The following PPIA variants were observed in gnomAD, a reference collection of about 807,000 sequenced individuals.
PPIA encodes peptidyl-prolyl cis-trans isomerase A.
PPIA carries 2 observed loss-of-function variants against 15.3 expected under a neutral mutation model. The ratio of observed to expected loss-of-function variants is 0.13; its 90% CI spans 0.05 to 0.41. PPIA has a LOEUF of 0.41. Ranked by LOEUF, PPIA falls within the 10% of genes least tolerant of loss-of-function variation. The probability of loss-of-function intolerance (pLI) is 0.99; values close to 1 mark genes in which losing one functional copy is unlikely to be tolerated. For missense variants in PPIA, 103 were observed against 210.3 expected, an observed-to-expected ratio of 0.49 and a Z score of 3.16; for synonymous variants, 67 against 73.1, an observed-to-expected ratio of 0.92 and a Z score of 0.43.
intron 1 of PPIA, among the ~76,000 whole-genome samples, chr7:44,797,291 G>A (rs1333912157): frequency 6.6e-6 from 1 of 152,206 alleles, no homozygotes; most frequent in East Asian, 1.9e-4. Flanking sequence ...AAGGATCGAG[G>A]CGCGGTGTGA....
At chr7:44,801,224 C>T in intron 4 of PPIA, 63 bp from the exon 5 acceptor site, 2 of 1,549,204 alleles carry the variant, frequency 1.3e-6, no homozygotes, top group East Asian at 2.3e-5. Flanking sequence ...CGTCTTGGTT[C>T]ATGACACATG....
rs553159589 is a variant in PPIA at position 44,796,696 on chromosome 7, C to A, written c.-29C>A. 1 of 1,607,190 alleles carries A rather than the reference C, an allele frequency of 6.2e-7. No homozygotes were observed. The highest frequency in any genetic ancestry group is 1.1e-5 in the South Asian group (1 of 90,914). On this transcript the variant is annotated 5_prime_UTR_variant, in exon 1 of 5. Coordinates refer to ENST00000468812, the MANE Select transcript of PPIA (RefSeq NM_021130.5). The stretch of plus-strand genomic sequence containing the variant: ...GGCTCGTGCCGTTTTGCAGACGCCA[C>A]CGCCGAGGAAAACCGTGTACTATTA...
At position 44,801,525 on chromosome 7, in the gene PPIA, C is replaced by T; in HGVS notation, c.*103C>T. On this transcript the variant is annotated 3_prime_UTR_variant, in exon 5 of 5. Coordinates refer to ENST00000468812, the MANE Select transcript of PPIA (RefSeq NM_021130.5). ...CGCAGTATCCTAGAATCTTTGTGCT[C>T]TCGCTGCAGTTCCCTTTGGGTTCCA... 2.8e-6 allele frequency: 2 copies of T among 714,028 alleles called. No homozygotes were observed. Among genetic ancestry groups the T allele is most frequent in the Non-Finnish European group, 4.6e-6 (2 of 436,480 alleles). The allele number at this position is 714,028 out of a possible 1,614,324, so 44.2% of individuals were successfully genotyped here.
At position 44,796,707 on chromosome 7, in the gene PPIA, A is replaced by G. The variant is rs568065436; in HGVS notation, c.-18A>G. ...TTTTGCAGACGCCACCGCCGAGGAAAACCGTGTACTATTAGCCATGGTCAA... is the reference window on the plus strand; with the variant it reads ...TTTTGCAGACGCCACCGCCGAGGAAGACCGTGTACTATTAGCCATGGTCAA... On this transcript the variant is annotated 5_prime_UTR_variant, in exon 1 of 5. Coordinates refer to ENST00000468812, the MANE Select transcript of PPIA (RefSeq NM_021130.5). 1.4e-5 allele frequency: 22 copies of G among 1,609,750 alleles called. No individual in the cohort carries two copies. The highest frequency in any genetic ancestry group is 2.0e-4 in the Middle Eastern group (1 of 5,050).
chr7:44,799,905 T>C (rs1792494521), intron 4 of PPIA, 31 bp downstream of exon 4: 1 of 1,598,886 alleles, frequency 6.3e-7, no homozygotes, highest in Non-Finnish European at 8.5e-7. Flanking sequence ...ACTAACCACC[T>C]GACTAAATGA....
chr7:44,801,308 G>A lies in PPIA; in HGVS notation c.384G>A (p.Val128=), dbSNP rs745616785. ...CAAGGTTGGATGGCAAGCATGTGGT[G>A]TTTGGCAAAGTGAAAGAAGGCATGA... ...KTEWLDGKHV[V]FGKVKEGMNI... The change falls in exon 5 of 5, where the codon GTG becomes GTA. Residue 128 remains valine, a synonymous_variant. Transcript: ENST00000468812. The A allele has an allele frequency of 3.1e-6, 5 of 1,613,408 alleles. No individual in the cohort carries two copies. In the South Asian group the frequency reaches 5.5e-5, roughly 18 times the overall value.
chr7:44,797,002 C>T (rs1156685705), intron 1 of PPIA, among the ~76,000 whole-genome samples: 2 of 152,088 alleles, frequency 1.3e-5, no homozygotes, highest in Non-Finnish European at 2.9e-5. Flanking sequence ...CAAAGGCAGG[C>T]GGGGCGGCTG....
At chr7:44,799,587 GTTCTATTTAACCC>G in intron 3 of PPIA, 102 bp from the exon 4 acceptor site, 1 of 1,574,130 alleles carries the variant, frequency 6.4e-7, no homozygotes, top group Admixed American at 1.7e-5. Flanking sequence ...TACCATTTCG[GTTCTATTTAACCC>G]TTCTATTCAG....
In PPIA at chr7:44,796,704, G is replaced by C. The variant is rs747888881; in HGVS notation, c.-21G>C. 1.7e-5 allele frequency: 28 copies of C among 1,609,436 alleles called. No individual in the cohort carries two copies. The highest frequency in any genetic ancestry group is 2.4e-5 in the Non-Finnish European group (28 of 1,178,122). Reference sequence around the variant, plus strand: ...CCGTTTTGCAGACGCCACCGCCGAGGAAAACCGTGTACTATTAGCCATGGT... The same window carrying C: ...CCGTTTTGCAGACGCCACCGCCGAGCAAAACCGTGTACTATTAGCCATGGT... On this transcript the variant is annotated 5_prime_UTR_variant, in exon 1 of 5. Transcript: ENST00000468812.
In PPIA at chr7:44,799,332, T is replaced by A; in HGVS notation, c.100+55T>A. The stretch of plus-strand genomic sequence containing the variant: ...TGTTCCAATTGTGACAGTTTGTGTG[T>A]GTGTGTGTATATATATATTTTTATG... On this transcript the variant is annotated intron_variant, in intron 2 of 4. Coordinates refer to ENST00000468812, the MANE Select transcript of PPIA (RefSeq NM_021130.5). The A allele has an allele frequency of 2.5e-6, 4 of 1,604,166 alleles. 1 individual carries two copies. The South Asian group carries it at 4.4e-5, about 18-fold the overall frequency.
At chr7:44,800,621 A>ACT (rs1360706277) in intron 4 of PPIA, 1 of 150,940 alleles carries the variant, frequency 6.6e-6, no homozygotes, top group Non-Finnish European at 1.5e-5. Flanking sequence ...CTGGTCTCGA[A>ACT]CTCCTGGGCT....
chr7:44,800,743 GTTGGGTTTTTTGTTTCT>G (rs1056805039), intron 4 of PPIA, among the ~76,000 whole-genome samples: 3 of 151,978 alleles, frequency 2.0e-5, no homozygotes, highest in South Asian at 4.1e-4. Context: ...CATGCGGTTG[GTTGGGTTTTTTGTTTCT>G]TTGGGGTTTT....
At chr7:44,797,902 G>A (rs1259164159) in intron 1 of PPIA, 1 of 152,186 alleles carries the variant, frequency 6.6e-6, no homozygotes, top group East Asian at 1.9e-4. Context: ...TGAGGACAGA[G>A]CGATTTCCTT....
Position 44,802,420 on chromosome 7 carries a change from A to C in PPIA, c.*998A>C, listed in dbSNP as rs769049572. The C allele has an allele frequency of 3.9e-5, 6 of 152,138 alleles. No individual in the cohort carries two copies. The highest frequency in any genetic ancestry group is 8.8e-5 in the Non-Finnish European group (6 of 68,028). 9.4% of individuals were successfully genotyped at this position (152,138 alleles called of 1,614,324 possible). Reference sequence around the variant, plus strand: ...TGCCTTGGCCTCCCAAACTGCTGAGATTACAGATGTGAGCCACCGCACCCT... The same window carrying C: ...TGCCTTGGCCTCCCAAACTGCTGAGCTTACAGATGTGAGCCACCGCACCCT... On this transcript the variant is annotated 3_prime_UTR_variant, in exon 5 of 5. Transcript: ENST00000468812.
intron 4 of PPIA, 141 bp from the exon 5 acceptor site, chr7:44,801,146 A>T: frequency 9.6e-7 from 1 of 1,037,936 alleles, no homozygotes; most frequent in South Asian, 1.5e-5. Context: ...TGGTAATTGG[A>T]GAATCATGTT....
At chr7:44,800,880 C>T (rs946977962) in intron 4 of PPIA, among the ~76,000 whole-genome samples, 3 of 152,022 alleles carry the variant, frequency 2.0e-5, no homozygotes, top group Non-Finnish European at 2.9e-5. Context: ...TGCAGTGGCG[C>T]GATCTCGGCT....
chr7:44,800,863 G>A (rs1303316063), intron 4 of PPIA, among the ~76,000 whole-genome samples: 2 of 152,064 alleles, frequency 1.3e-5, no homozygotes, highest in Admixed American at 6.6e-5. Context: ...TGTCGCCCAG[G>A]CTGGAGTGCA....
At chr7:44,797,069 C>T (rs1476478810) in intron 1 of PPIA, among the ~76,000 whole-genome samples, 3 of 152,210 alleles carry the variant, frequency 2.0e-5, no homozygotes, top group Non-Finnish European at 4.4e-5. Context: ...TGGCCGCGCC[C>T]TGTCCTGTCC....
At chr7:44,799,219 GTTAA>G (rs1562770907) in intron 1 of PPIA, 24 bp from the exon 2 acceptor site, 6 of 1,611,088 alleles carry the variant, frequency 3.7e-6, no homozygotes, top group Non-Finnish European at 5.1e-6. Flanking sequence ...ATAAGCAGAT[GTTAA>G]TTAACTGTAA....
Sources: allele counts gnomAD v4.1 joint callset (sites outside exome capture counted in the v4.1 genomes callset), GRCh38; gene constraint gnomAD v4.1.1; transcripts MANE v1.5; gene names NCBI Gene and HGNC (gene_info 2026-07-23, HGNC 2026-07-21).